Variants in KCMF1 observed in about 807,000 individuals in gnomAD.
KCMF1 encodes E3 ubiquitin-protein ligase KCMF1.
Under a neutral mutation model 41.1 loss-of-function variants are expected in KCMF1, and 3 were observed. That is an observed-to-expected ratio of 0.07 (90% CI 0.03 to 0.19). The LOEUF (loss-of-function observed/expected upper bound fraction) is 0.19. Ranked by LOEUF, KCMF1 falls within the 10% of genes least tolerant of loss-of-function variation. The probability of loss-of-function intolerance (pLI) is 1.00; values close to 1 mark genes in which losing one functional copy is unlikely to be tolerated. For synonymous variants in KCMF1, 142 were observed against 164.5 expected, an observed-to-expected ratio of 0.86 and a Z score of 1.04; for missense variants, 286 against 488.9, an observed-to-expected ratio of 0.58 and a Z score of 3.91.
At chr2:85,045,265 A>G (rs1446561278) in intron 4 of KCMF1, among the ~76,000 whole-genome samples, 1 of 150,152 alleles carries the variant, frequency 6.7e-6, no homozygotes, top group Non-Finnish European at 1.5e-5. Flanking sequence ...TGTATATATA[A>G]TCATAATATA....
At chr2:85,010,912 C>T (rs1460042084) in intron 1 of KCMF1, among the ~76,000 whole-genome samples, 1 of 150,416 alleles carries the variant, frequency 6.6e-6, no homozygotes, top group Non-Finnish European at 1.5e-5. Context: ...GGCATAATCT[C>T]AGCTCACTGC....
intron 1 of KCMF1, among the ~76,000 whole-genome samples, chr2:84,978,513 T>TA (rs1165532007): frequency 6.6e-6 from 1 of 151,926 alleles, no homozygotes; most frequent in African/African-American, 2.4e-5. Flanking sequence ...TTTTTTTTTT[T>TA]TATACTTTAA....
At chr2:85,004,988 C>G (rs1181295619) in intron 1 of KCMF1, among the ~76,000 whole-genome samples, 1 of 152,006 alleles carries the variant, frequency 6.6e-6, no homozygotes, top group Admixed American at 6.6e-5. Context: ...CTCACTCCAG[C>G]CTCCGCCTCC....
chr2:84,997,964 G>A (rs1438971174), intron 1 of KCMF1, among the ~76,000 whole-genome samples: 1 of 150,906 alleles, frequency 6.6e-6, no homozygotes, highest in African/African-American at 2.4e-5. Flanking sequence ...GTAGAGACAG[G>A]GTTTCTCCAT....
Position 85,056,683 on chromosome 2 carries a change from T to G in KCMF1, c.*3274T>G, listed in dbSNP as rs912828924. ...AACAGTGTTCAGTACCAATATTAAG[T>G]CTACTGTAAGTGGGGTCTGATATGG... On this transcript the variant is annotated 3_prime_UTR_variant, in exon 7 of 7. Coordinates refer to ENST00000409785, the MANE Select transcript of KCMF1 (RefSeq NM_020122.5). 1.3e-5 allele frequency: 2 copies of G among 152,096 alleles called. No individual in the cohort carries two copies. The highest frequency in any genetic ancestry group is 4.8e-5 in the African/African-American group (2 of 41,378). 9.4% of individuals were successfully genotyped at this position (152,096 alleles called of 1,614,324 possible).
At chr2:84,991,995 A>G (rs531511640) in intron 1 of KCMF1, among the ~76,000 whole-genome samples, 13 of 152,276 alleles carry the variant, frequency 8.5e-5, no homozygotes, top group African/African-American at 2.9e-4. Context: ...TCTGCAATGG[A>G]TGAAATTTTC....
chr2:85,002,958 G>T (rs1042434101), intron 1 of KCMF1, among the ~76,000 whole-genome samples: 1 of 152,074 alleles, frequency 6.6e-6, no homozygotes, highest in East Asian at 1.9e-4. Context: ...CTTCACATAT[G>T]GTCTGGCAGA....
intron 1 of KCMF1, among the ~76,000 whole-genome samples, chr2:85,006,295 CTTTTTTT>C (rs1163405427): frequency 5.3e-5 from 5 of 94,210 alleles, no homozygotes; most frequent in Admixed American, 1.3e-4. Context: ...TTCTCATTTT[CTTTTTTT>C]TTTTTTTTTT....
Position 84,977,362 on chromosome 2 carries a change from C to T in KCMF1, c.16+5895C>T, listed in dbSNP as rs140968086. 3.3e-4 allele frequency among the ~76,000 whole-genome samples: 51 copies of T among 152,300 alleles called. 1 individual carries two copies. The East Asian group carries it at 9.8e-3, about 29-fold the overall frequency. ...CTCCCACTGATAAGATCCTTACCAT[C>T]AGGTCTTCTTACAACTTATTGTACT... is the stretch of plus-strand genomic sequence containing the variant. On this transcript the variant is annotated intron_variant, in intron 1 of 6. Transcript: ENST00000409785.
intron 1 of KCMF1, among the ~76,000 whole-genome samples, chr2:84,995,224 G>C (rs768982651): frequency 2.0e-5 from 3 of 151,974 alleles, no homozygotes; most frequent in Non-Finnish European, 2.9e-5. Context: ...GTTTCACCAT[G>C]TTGGTCAGGC....
chr2:84,974,466 A>G (rs775924046), intron 1 of KCMF1, among the ~76,000 whole-genome samples: 17 of 151,626 alleles, frequency 1.1e-4, no homozygotes, highest in Non-Finnish European at 1.6e-4. Context: ...GAGAAAGGCA[A>G]TGCAACCAGG....
At chr2:85,010,882 T>A (rs1176419922) in intron 1 of KCMF1, among the ~76,000 whole-genome samples, 2 of 151,318 alleles carry the variant, frequency 1.3e-5, no homozygotes, top group Non-Finnish European at 2.9e-5. Flanking sequence ...TCTCACTGTG[T>A]CATCAAGCTG....
At position 85,026,459 on chromosome 2, in the gene KCMF1, T is replaced by TTTATTATTA. The variant is rs35093562; in HGVS notation, c.17-1400_17-1392dup. 9.4e-3 allele frequency among the ~76,000 whole-genome samples: 1,312 copies of TTTATTATTA among 139,332 alleles called. 8 individuals are homozygous for TTTATTATTA. The highest frequency in any genetic ancestry group is 0.029 in the East Asian group (139 of 4,854). The allele number at this position is 139,332 out of a possible 152,430, so 91.4% of individuals were successfully genotyped here. A position where few individuals can be genotyped will look rare whatever the true frequency, so the allele number is the denominator to read the frequency against. On this transcript the variant is annotated intron_variant, in intron 1 of 6. Transcript: ENST00000409785. ...GCCCTGTTCAAGCTTCTTTCTTTCC[T>TTTATTATTA]TTATTATTATTATTATTATTATTAT... is the stretch of plus-strand genomic sequence containing the variant.
intron 1 of KCMF1, among the ~76,000 whole-genome samples, chr2:85,007,419 A>G (rs1407118287): frequency 6.6e-6 from 1 of 152,128 alleles, no homozygotes; most frequent in Non-Finnish European, 1.5e-5. Flanking sequence ...CACCTTGGAA[A>G]CTCAGGACCC....
At chr2:84,988,299 G>A (rs1673953182) in intron 1 of KCMF1, among the ~76,000 whole-genome samples, 5 of 152,008 alleles carry the variant, frequency 3.3e-5, no homozygotes, top group Admixed American at 3.3e-4. Context: ...AGGCAGCAAG[G>A]GGAGAAACTA....
At chr2:85,038,056 C>T (rs762539630) in intron 3 of KCMF1, among the ~76,000 whole-genome samples, 1 of 152,192 alleles carries the variant, frequency 6.6e-6, no homozygotes. Context: ...AATTTTTGTA[C>T]AAGAACCATG....
chr2:85,021,937 C>T (rs1425814488), intron 1 of KCMF1, among the ~76,000 whole-genome samples: 1 of 151,982 alleles, frequency 6.6e-6, no homozygotes, highest in African/African-American at 2.4e-5. Flanking sequence ...CTGCCTCAGC[C>T]TCCGGAGTAG....
chr2:85,024,136 C>T (rs773197683), intron 1 of KCMF1, among the ~76,000 whole-genome samples: 1 of 152,134 alleles, frequency 6.6e-6, no homozygotes, highest in Non-Finnish European at 1.5e-5. Context: ...TTGTACATAT[C>T]GCCAGTTTCT....
At chr2:85,002,785 C>G (rs530419547) in intron 1 of KCMF1, among the ~76,000 whole-genome samples, 28 of 152,182 alleles carry the variant, frequency 1.8e-4, no homozygotes, top group Middle Eastern at 3.4e-3. Context: ...GTTCCCAGCT[C>G]TTTTGCTGAA....
Sources: gnomAD v4.1 joint callset for allele counts (sites outside exome capture counted in the v4.1 genomes callset) on GRCh38, gnomAD v4.1.1 for gene constraint, MANE v1.5 for transcripts, NCBI Gene and HGNC (gene_info 2026-07-23, HGNC 2026-07-21) for gene names.